BBX: variants seen among roughly 807,000 people sequenced by gnomAD.
BBX encodes HMG box transcription factor BBX.
Under a neutral mutation model 100.2 loss-of-function variants are expected in BBX, and 30 were observed. The observed-to-expected ratio is 0.30, with a 90% CI of 0.22 to 0.41. BBX has a LOEUF of 0.41. Among genes scored for constraint, BBX ranks in the 10% least tolerant of loss-of-function variants. The probability of loss-of-function intolerance (pLI) is 1.00; values close to 1 mark genes in which losing one functional copy is unlikely to be tolerated. For synonymous variants in BBX, 376 were observed against 388.1 expected, an observed-to-expected ratio of 0.97 and a Z score of 0.37; for missense variants, 1,023 against 1,129.8, an observed-to-expected ratio of 0.91 and a Z score of 1.35.
At chr3:107,593,819 A>C (rs529503129) in intron 2 of BBX, among the ~76,000 whole-genome samples, 141 of 152,368 alleles carry the variant, frequency 9.3e-4, no homozygotes, top group African/African-American at 3.2e-3. Context: ...AACAGGCTTT[A>C]GTTTTATACG....
chr3:107,796,205 A>G (rs2069645522), intron 15 of BBX, among the ~76,000 whole-genome samples: 1 of 152,146 alleles, frequency 6.6e-6, no homozygotes, highest in Admixed American at 6.5e-5. Context: ...TGTTACTTCC[A>G]TTACCCCATG....
chr3:107,681,459 C>T (rs1437776107), intron 3 of BBX, among the ~76,000 whole-genome samples: 3 of 151,986 alleles, frequency 2.0e-5, no homozygotes, highest in African/African-American at 4.8e-5. Flanking sequence ...TTTAGAAATT[C>T]GTGGGACATT....
At chr3:107,623,777 A>T (rs1269602288) in intron 2 of BBX, among the ~76,000 whole-genome samples, 1 of 152,246 alleles carries the variant, frequency 6.6e-6, no homozygotes, top group African/African-American at 2.4e-5. Flanking sequence ...TGGGAAAAAG[A>T]TAAAACATAA....
chr3:107,714,277 T>C (rs2061945060), intron 4 of BBX, among the ~76,000 whole-genome samples: 1 of 152,092 alleles, frequency 6.6e-6, no homozygotes, highest in Non-Finnish European at 1.5e-5. Flanking sequence ...CAACCTGATT[T>C]GTTTCTCACA....
intron 2 of BBX, among the ~76,000 whole-genome samples, chr3:107,536,191 G>T (rs748094327): frequency 2.0e-5 from 3 of 152,216 alleles, no homozygotes; most frequent in African/African-American, 4.8e-5. Context: ...AAGTGGAAGA[G>T]ATTTCATAAA....
At chr3:107,638,137 G>A (rs774080632) in intron 2 of BBX, among the ~76,000 whole-genome samples, 18 of 151,754 alleles carry the variant, frequency 1.2e-4, no homozygotes, top group African/African-American at 2.4e-4. Flanking sequence ...GGCTGGTCTC[G>A]AACTGCTGGA....
chr3:107,757,521 A>G (rs2065577774), intron 10 of BBX, among the ~76,000 whole-genome samples: 1 of 152,210 alleles, frequency 6.6e-6, no homozygotes, highest in Non-Finnish European at 1.5e-5. Flanking sequence ...GCAAAGATTT[A>G]TACTTTTGAT....
chr3:107,799,464 A>G (rs2070173703), intron 16 of BBX, among the ~76,000 whole-genome samples: 1 of 152,216 alleles, frequency 6.6e-6, no homozygotes, highest in African/African-American at 2.4e-5. Flanking sequence ...ATTCCTAGAA[A>G]AGAAAGGTAG....
At chr3:107,533,070 A>G (rs1270065799) in intron 2 of BBX, among the ~76,000 whole-genome samples, 1 of 152,158 alleles carries the variant, frequency 6.6e-6, no homozygotes, top group African/African-American at 2.4e-5. Flanking sequence ...GTAGTTTTCA[A>G]GCCTGCTTAG....
chr3:107,790,714 C>T (rs2068927809), intron 14 of BBX, among the ~76,000 whole-genome samples: 1 of 152,212 alleles, frequency 6.6e-6, no homozygotes, highest in Non-Finnish European at 1.5e-5. Flanking sequence ...TGCCCATTTG[C>T]ATCCTACTTG....
At chr3:107,682,306 CAA>C (rs1452575097) in intron 3 of BBX, among the ~76,000 whole-genome samples, 1 of 152,086 alleles carries the variant, frequency 6.6e-6, no homozygotes, top group Non-Finnish European at 1.5e-5. Context: ...ACATTTTCCC[CAA>C]GTTATTTCTA....
intron 10 of BBX, among the ~76,000 whole-genome samples, chr3:107,756,123 C>T (rs962628400): frequency 4.6e-5 from 7 of 151,934 alleles, no homozygotes; most frequent in Admixed American, 3.9e-4. Context: ...TTTATAAGAT[C>T]AATCAGTTGT....
At chr3:107,694,730 C>G (rs995203734) in intron 3 of BBX, among the ~76,000 whole-genome samples, 5 of 151,202 alleles carry the variant, frequency 3.3e-5, no homozygotes, top group African/African-American at 1.2e-4. Context: ...AGGGAGGATT[C>G]CCTCTTTTTC....
intron 3 of BBX, among the ~76,000 whole-genome samples, chr3:107,666,487 A>G (rs2058749799): frequency 6.6e-6 from 1 of 151,718 alleles, no homozygotes; most frequent in South Asian, 2.1e-4. Context: ...TCTTTAGTGA[A>G]GGATTTATTT....
intron 2 of BBX, among the ~76,000 whole-genome samples, chr3:107,620,653 G>T (rs919021526): frequency 6.6e-6 from 1 of 152,194 alleles, no homozygotes; most frequent in Non-Finnish European, 1.5e-5. Context: ...TTCCTGCTGG[G>T]CAGGGGCACA....
At chr3:107,671,663 T>C (rs2059025627) in intron 3 of BBX, among the ~76,000 whole-genome samples, 1 of 152,126 alleles carries the variant, frequency 6.6e-6, no homozygotes, top group African/African-American at 2.4e-5. Flanking sequence ...CTTTTCAGAA[T>C]TGTAAAATTG....
intron 17 of BBX, among the ~76,000 whole-genome samples, chr3:107,804,663 G>A (rs2070897451): frequency 6.6e-6 from 1 of 152,118 alleles, no homozygotes; most frequent in Non-Finnish European, 1.5e-5. Flanking sequence ...AGTCCTGTCT[G>A]GAGTTCTCCC....
intron 2 of BBX, among the ~76,000 whole-genome samples, chr3:107,557,330 A>G (rs1238340494): frequency 6.6e-6 from 1 of 152,204 alleles, no homozygotes; most frequent in Non-Finnish European, 1.5e-5. Context: ...TCACCAAGAT[A>G]GCTGTGCAAA....
intron 2 of BBX, among the ~76,000 whole-genome samples, chr3:107,605,070 A>G (rs1257981012): frequency 1.3e-5 from 2 of 152,196 alleles, no homozygotes; most frequent in African/African-American, 4.8e-5. Flanking sequence ...CCTTTTCACA[A>G]TCAAAATACA....
Sources: gnomAD v4.1 joint callset for allele counts (sites outside exome capture counted in the v4.1 genomes callset) on GRCh38, gnomAD v4.1.1 for gene constraint, MANE v1.5 for transcripts, NCBI Gene and HGNC (gene_info 2026-07-23, HGNC 2026-07-21) for gene names.